MUC22: variants seen among roughly 807,000 people sequenced by gnomAD.
The protein encoded by MUC22 is mucin-22.
In MUC22, 24 loss-of-function variants were observed where a neutral mutation model predicts 40.3. The observed-to-expected ratio is 0.60, with a 90% CI of 0.43 to 0.84. The LOEUF (loss-of-function observed/expected upper bound fraction) is 0.84, where lower values mean the gene tolerates loss of function less well. Among genes scored for constraint, MUC22 ranks in the 40% least tolerant of loss-of-function variants. The probability of loss-of-function intolerance (pLI) is 0.00; values close to 1 mark genes in which losing one functional copy is unlikely to be tolerated. For synonymous variants in MUC22, 765 were observed against 844.5 expected (o/e 0.91, Z 1.63); for missense variants, 1,926 against 2,130.7 (o/e 0.90, Z 1.89).
At chr6:31,020,562 A>G (rs371354372) in intron 1 of MUC22, among the ~76,000 whole-genome samples, 11 of 150,972 alleles carry the variant, frequency 7.3e-5, no homozygotes, top group East Asian at 4.0e-4. Context: ...GCGTGCTGGC[A>G]GTCCTCAGAG....
At chr6:31,029,579 C>G in exon 2 of MUC22, 2 of 1,531,074 alleles carry the variant, frequency 1.3e-6, no homozygotes, top group Non-Finnish European at 1.7e-6. Context: ...ACCACTAGCT[C>G]TGAGACCACC....
At chr6:31,029,839 A>C (rs1562619722) in exon 2 of MUC22, 1 of 1,519,956 alleles carries the variant, frequency 6.6e-7, no homozygotes. Context: ...CACAGCCTGT[A>C]CCACAGGTTC....
At chr6:31,018,188 T>G (rs1764391518) in intron 1 of MUC22, among the ~76,000 whole-genome samples, 1 of 150,594 alleles carries the variant, frequency 6.6e-6, no homozygotes, top group Non-Finnish European at 1.5e-5. Context: ...TGATCTAGAG[T>G]TTCTTTGGTT....
Position 31,028,595 on chromosome 6 carries a change from C to T in MUC22, c.3164C>T (p.Thr1055Ile), listed in dbSNP as rs1030882829. ...GTCTCCACTGCAAGCTCTAAAATGA[C>T]CACAGTCTTCACTGAAAACTCTGAG... Residue 1055 changes from threonine (T) to isoleucine (I), a missense_variant, in exon 2 of 4, where the codon ACC becomes ATC. Around this residue, in one of 3 missense-constraint regions of MUC22, gnomAD observed 1,281 missense variants for 1,337.8 expected, o/e 0.96. Coordinates refer to ENST00000561890, the Ensembl canonical transcript of MUC22. 2.6e-6 allele frequency: 4 copies of T among 1,534,616 alleles called. No homozygotes were observed. In the Admixed American group the frequency reaches 5.9e-5, roughly 23 times the overall value.
intron 1 of MUC22, among the ~76,000 whole-genome samples, chr6:31,022,388 T>A (rs1764900969): frequency 2.6e-5 from 4 of 152,126 alleles, no homozygotes; most frequent in African/African-American, 9.7e-5. Context: ...GGTATCGAAC[T>A]CCTGGTGATC....
Position 31,032,464 on chromosome 6 carries a change from C to T in MUC22, c.4938C>T (p.His1646=). The change falls in exon 3 of 4, where the codon CAC becomes CAT. Residue 1646 remains histidine, a synonymous_variant. Coordinates refer to ENST00000561890, the Ensembl canonical transcript of MUC22. The surrounding 1 kb of genome is among the most constrained non-coding windows in gnomAD (Gnocchi z 4.1). ...GCACAAACACAGTTAGCATGAGCCA[C>T]ACACCCACAAACGTGATCAAACCAA... 6.5e-7 allele frequency: 1 copy of T among 1,535,720 alleles called. No individual in the cohort carries two copies. The highest frequency in any genetic ancestry group is 2.0e-5 in the Admixed American group (1 of 50,998).
intron 1 of MUC22, among the ~76,000 whole-genome samples, chr6:31,024,299 A>G (rs372968711): frequency 3.3e-5 from 5 of 152,210 alleles, no homozygotes; most frequent in South Asian, 4.1e-4. Flanking sequence ...GGATCTAAGG[A>G]TCAGGTGGCA....
In MUC22 at chr6:31,026,226, TA is replaced by T; in HGVS notation, c.797del (p.Asn266ThrfsTer16). ...CCACTGTGGCCCCCGCTGCAGGCTCTAACACCACCACAGCCTCTACCACAGG... is the reference window on the plus strand; with the variant it reads ...CCACTGTGGCCCCCGCTGCAGGCTCTACACCACCACAGCCTCTACCACAGG... On this transcript the variant is annotated frameshift_variant, in exon 2 of 4. Transcript: ENST00000561890. LOFTEE classifies it high-confidence loss of function. 1 of 1,529,832 alleles carries T rather than the reference TA, an allele frequency of 6.5e-7. No individual in the cohort carries two copies. Among genetic ancestry groups the T allele is most frequent in the Middle Eastern group, 1.7e-4 (1 of 5,962 alleles). 94.8% of individuals were successfully genotyped at this position (1,529,832 alleles called of 1,614,324 possible). A position where few individuals can be genotyped will look rare whatever the true frequency, so the allele number is the denominator to read the frequency against.
intron 1 of MUC22, among the ~76,000 whole-genome samples, chr6:31,018,098 C>T (rs1764380150): frequency 6.6e-6 from 1 of 152,200 alleles, no homozygotes; most frequent in African/African-American, 2.4e-5. Flanking sequence ...GAGTCCACGG[C>T]TTCATTGTTG....
intron 3 of MUC22, 138 bp from the exon 4 acceptor site, chr6:31,034,534 T>G: frequency 1.5e-6 from 1 of 676,860 alleles, no homozygotes; most frequent in Non-Finnish European, 2.4e-6. Flanking sequence ...GAGATCATAG[T>G]AAGGATGGTG....
intron 1 of MUC22, among the ~76,000 whole-genome samples, chr6:31,024,251 T>A (rs1562596973): frequency 6.6e-6 from 1 of 152,210 alleles, no homozygotes; most frequent in Non-Finnish European, 1.5e-5. Flanking sequence ...TGGTTTACTA[T>A]TAAAGACATT....
chr6:31,010,891 ATTTTTT>A (rs3084544), intron 1 of MUC22, 115 bp downstream of exon 1: 343 of 547,330 alleles, frequency 6.3e-4, no homozygotes, highest in Non-Finnish European at 7.2e-4. Flanking sequence ...ATGATGATTC[ATTTTTT>A]TTTTTTTTTT....
At chr6:31,027,653 C>T (rs1479411700) in exon 2 of MUC22, 2 of 1,529,546 alleles carry the variant, frequency 1.3e-6, no homozygotes, top group African/African-American at 1.4e-5. Flanking sequence ...GCCTCTAATA[C>T]AGGCTTGGAG....
At chr6:31,012,967 A>G (rs543338452) in intron 1 of MUC22, among the ~76,000 whole-genome samples, 62 of 151,966 alleles carry the variant, frequency 4.1e-4, no homozygotes, top group African/African-American at 1.4e-3. Flanking sequence ...ACACCCCACC[A>G]AGCAAGATCT....
At chr6:31,006,680 C>A (rs1039984340), upstream of MUC22, among the ~76,000 whole-genome samples, 1 of 147,852 alleles carries the variant, frequency 6.8e-6, no homozygotes, top group Admixed American at 6.9e-5. Flanking sequence ...ATTAGACATA[C>A]TGTGATATAT....
At chr6:31,018,457 T>G (rs376860390) in intron 1 of MUC22, among the ~76,000 whole-genome samples, 11 of 152,254 alleles carry the variant, frequency 7.2e-5, no homozygotes, top group African/African-American at 2.4e-4. Flanking sequence ...AATGGAGGCC[T>G]GTATGTTGAA....
At chr6:31,025,755 T>A in exon 2 of MUC22, 1 of 1,528,248 alleles carries the variant, frequency 6.5e-7, no homozygotes, top group Non-Finnish European at 8.8e-7. Flanking sequence ...TAGCCTCCAC[T>A]AGGACCTTCA....
Position 31,030,091 on chromosome 6 carries a change from C to T in MUC22, c.4660C>T (p.Pro1554Ser), listed in dbSNP as rs1206991510. The change falls in exon 2 of 4, where the codon CCT (proline) becomes TCT (serine). Residue 1554 changes from proline (P) to serine (S), a missense_variant. Around this residue, in one of 3 missense-constraint regions of MUC22, gnomAD observed 610 missense variants for 714.6 expected, o/e 0.85. Coordinates refer to ENST00000561890, the Ensembl canonical transcript of MUC22. ...TTCTATCCAGCCCATCACCAACACA[C>T]CTATGTCAGGTACTAACCCCCATGT... is the stretch of plus-strand genomic sequence containing the variant. The T allele has an allele frequency of 3.3e-6, 5 of 1,527,648 alleles. No homozygotes were observed. Among genetic ancestry groups the T allele is most frequent in the Non-Finnish European group, 4.4e-6 (5 of 1,142,314 alleles). The allele number at this position is 1,527,648 out of a possible 1,614,324, so 94.6% of individuals were successfully genotyped here.
At chr6:31,025,107 G>A (rs111493243) in intron 1 of MUC22, among the ~76,000 whole-genome samples, 1,496 of 118,840 alleles carry the variant, frequency 0.013, 29 homozygotes, top group African/African-American at 0.047. Flanking sequence ...GGCCTCAGGT[G>A]ATCCGCCTGG....
Sources: gnomAD v4.1 joint callset for allele counts (sites outside exome capture counted in the v4.1 genomes callset) on GRCh38, gnomAD v4.1.1 for gene constraint, gnomAD v4.1.1 regional missense constraint, Gnocchi (gnomAD v3.1) non-coding constraint, MANE v1.5 for transcripts, NCBI Gene and HGNC (gene_info 2026-07-23, HGNC 2026-07-21) for gene names.